Variants in HSD17B6 observed in about 807,000 individuals in gnomAD.
HSD17B6 encodes hydroxysteroid 17-beta dehydrogenase 6.
Under a neutral mutation model 26.4 loss-of-function variants are expected in HSD17B6, and 16 were observed. The ratio of observed to expected loss-of-function variants is 0.61; its 90% confidence interval spans 0.41 to 0.92. HSD17B6 has a LOEUF of 0.92. Ranked by LOEUF, HSD17B6 falls within the 40% of genes least tolerant of loss-of-function variation. HSD17B6 has a pLI of 0.00. For missense variants in HSD17B6, 357 were observed against 386.1 expected (o/e 0.92, Z 0.63); for synonymous variants, 139 against 153.0 (o/e 0.91, Z 0.68).
At chr12:56,777,310 G>T (rs554429739) in intron 2 of HSD17B6, among the ~76,000 whole-genome samples, 38 of 151,764 alleles carry the variant, frequency 2.5e-4, no homozygotes, top group Non-Finnish European at 5.1e-4. Context: ...TGCCCATGTT[G>T]GTCTCAGACT....
chr12:56,777,161 T>C (rs947970904), intron 2 of HSD17B6, among the ~76,000 whole-genome samples: 2 of 152,166 alleles, frequency 1.3e-5, no homozygotes, highest in South Asian at 2.1e-4. Context: ...GGTGGGAACA[T>C]TGCTTGAGCA....
At chr12:56,782,964 T>TCA (rs1954758647) in intron 3 of HSD17B6, among the ~76,000 whole-genome samples, 1 of 152,144 alleles carries the variant, frequency 6.6e-6, no homozygotes, top group South Asian at 2.1e-4. Context: ...GGGGTTAAGG[T>TCA]CACAGATCAA....
intron 3 of HSD17B6, among the ~76,000 whole-genome samples, chr12:56,782,569 T>C (rs1358943071): frequency 6.6e-6 from 1 of 152,256 alleles, no homozygotes; most frequent in African/African-American, 2.4e-5. Context: ...TCATGGTTCA[T>C]TGCAGCCTCA....
chr12:56,784,348 C>T (rs376676341), intron 3 of HSD17B6, among the ~76,000 whole-genome samples: 1 of 152,132 alleles, frequency 6.6e-6, no homozygotes, highest in Non-Finnish European at 1.5e-5. Flanking sequence ...GAGGTTGTAG[C>T]GAGCCGAGAT....
chr12:56,779,647 A>C (rs1954669836), intron 2 of HSD17B6, among the ~76,000 whole-genome samples: 1 of 152,196 alleles, frequency 6.6e-6, no homozygotes, highest in South Asian at 2.1e-4. Flanking sequence ...TGTAAAATTA[A>C]CATCTTTACC....
intron 1 of HSD17B6, among the ~76,000 whole-genome samples, chr12:56,767,336 C>T (rs1041459235): frequency 6.6e-6 from 1 of 151,264 alleles, no homozygotes; most frequent in Non-Finnish European, 1.5e-5. Flanking sequence ...CACGGTGAAA[C>T]TCTGTCTCCA....
At chr12:56,767,842 TAA>T (rs1260705875) in intron 1 of HSD17B6, among the ~76,000 whole-genome samples, 1 of 147,878 alleles carries the variant, frequency 6.8e-6, no homozygotes, top group African/African-American at 2.5e-5. Context: ...TGTGTATATA[TAA>T]AAATATATGT....
At chr12:56,770,770 GGA>G (rs1468801344) in intron 1 of HSD17B6, among the ~76,000 whole-genome samples, 1 of 152,120 alleles carries the variant, frequency 6.6e-6, no homozygotes, top group East Asian at 1.9e-4. Flanking sequence ...GGGACACTAA[GGA>G]GGGTATAGTC....
Position 56,773,890 on chromosome 12 carries a change from A to C in HSD17B6, c.38A>C (p.Tyr13Ser), listed in dbSNP as rs1242948190. 6.2e-7 allele frequency: 1 copy of C among 1,608,000 alleles called. No homozygotes were observed. Among genetic ancestry groups the C allele is most frequent in the Non-Finnish European group, 8.5e-7 (1 of 1,176,114 alleles). The stretch of plus-strand genomic sequence containing the variant: ...CTGGCGGCCTTCGTGGGCCTGTACT[A>C]CCTTCTGCACTGGTACCGGGAGAGG... Reference protein sequence around the residue: ...LYLAAFVGLYYLLHWYRERQV... With the variant: ...LYLAAFVGLYSLLHWYRERQV... The change falls in exon 2 of 5, where the codon TAC (tyrosine) becomes TCC (serine). Residue 13 changes from tyrosine (Y) to serine (S), a missense_variant. By Grantham distance (144) the Tyr-to-Ser change is moderately radical (BLOSUM62 -2). Coordinates refer to ENST00000322165, the MANE Select transcript of HSD17B6 (RefSeq NM_003725.4).
At chr12:56,784,305 T>C (rs1395094981) in intron 3 of HSD17B6, among the ~76,000 whole-genome samples, 1 of 151,600 alleles carries the variant, frequency 6.6e-6, no homozygotes, top group Admixed American at 6.6e-5. Context: ...AATCTCGGCA[T>C]TTTGGGAGGC....
chr12:56,771,523 A>G (rs1425798591), intron 1 of HSD17B6, among the ~76,000 whole-genome samples: 1 of 138,022 alleles, frequency 7.2e-6, no homozygotes, highest in East Asian at 2.1e-4. Flanking sequence ...CAATGGCATG[A>G]TCTCGGCTCA....
chr12:56,781,804 A>G (rs1954719965), intron 2 of HSD17B6, among the ~76,000 whole-genome samples, 170 bp from the exon 3 acceptor site: 1 of 152,234 alleles, frequency 6.6e-6, no homozygotes, highest in South Asian at 2.1e-4. Flanking sequence ...TTTGTCTCAA[A>G]AAAAAAGTTA....
chr12:56,767,221 T>C (rs965858552), intron 1 of HSD17B6, among the ~76,000 whole-genome samples: 2 of 151,934 alleles, frequency 1.3e-5, no homozygotes, highest in African/African-American at 4.8e-5. Flanking sequence ...GGCATAATAA[T>C]TGCATACACT....
At chr12:56,770,876 C>T (rs1954456113) in intron 1 of HSD17B6, among the ~76,000 whole-genome samples, 1 of 152,192 alleles carries the variant, frequency 6.6e-6, no homozygotes, top group African/African-American at 2.4e-5. Context: ...TGTATGTAAT[C>T]TCTCAGTGCT....
intron 4 of HSD17B6, among the ~76,000 whole-genome samples, chr12:56,786,773 T>C (rs1224647687): frequency 6.6e-6 from 1 of 152,076 alleles, no homozygotes; most frequent in Non-Finnish European, 1.5e-5. Flanking sequence ...ATCACGAGCC[T>C]GGGAGGCAGA....
chr12:56,785,071 A>T lies in HSD17B6; in HGVS notation c.736+55A>T. The T allele has an allele frequency of 3.3e-6, 5 of 1,496,432 alleles. No homozygotes were observed. The Admixed American group carries it at 8.5e-5, about 26-fold the overall frequency. 92.7% of individuals were successfully genotyped at this position (1,496,432 alleles called of 1,614,324 possible). A position where few individuals can be genotyped will look rare whatever the true frequency, so the allele number is the denominator to read the frequency against. On this transcript the variant is annotated intron_variant, in intron 4 of 4. Coordinates refer to ENST00000322165, the MANE Select transcript of HSD17B6 (RefSeq NM_003725.4). ...GGGTACCCTGTATTAGTCCATTCTC[A>T]TGCTGCTATGAAGAAATAACTGAGA...
chr12:56,773,212 A>G (rs1318175407), intron 1 of HSD17B6, among the ~76,000 whole-genome samples: 1 of 152,154 alleles, frequency 6.6e-6, no homozygotes, highest in African/African-American at 2.4e-5. Context: ...CACCTGTTTC[A>G]TCTATCCTCC....
At chr12:56,773,135 A>C (rs925598362) in intron 1 of HSD17B6, among the ~76,000 whole-genome samples, 1 of 152,168 alleles carries the variant, frequency 6.6e-6, no homozygotes, top group Non-Finnish European at 1.5e-5. Context: ...TAGGTTTACA[A>C]ATTGCTTTGG....
rs1170410214 is a variant in HSD17B6 at position 56,773,296 on chromosome 12, T to C, written c.-19-538T>C. On this transcript the variant is annotated intron_variant, in intron 1 of 4. Transcript: ENST00000322165. ...CTCTAGTAGCATACTCTGTTTAATG[T>C]CTTCTAGTAGCATACTCTGTCCACA... 3.9e-5 allele frequency among the ~76,000 whole-genome samples: 6 copies of C among 152,322 alleles called. No individual in the cohort carries two copies. The South Asian group carries it at 1.0e-3, about 26-fold the overall frequency.
Sources: gnomAD v4.1 joint callset for allele counts (sites outside exome capture counted in the v4.1 genomes callset) on GRCh38, gnomAD v4.1.1 for gene constraint, MANE v1.5 for transcripts, NCBI Gene and HGNC (gene_info 2026-07-23, HGNC 2026-07-21) for gene names.